The following ADAMTSL1 variants were observed in gnomAD, a reference collection of about 807,000 sequenced individuals.
ADAMTSL1 encodes ADAMTS-like protein 1.
Under a neutral mutation model 201.8 loss-of-function variants are expected in ADAMTSL1, and 126 were observed. That is an observed-to-expected ratio of 0.62 (90% CI 0.54 to 0.72). The LOEUF (loss-of-function observed/expected upper bound fraction) is 0.72. Ranked by LOEUF, ADAMTSL1 falls within the 30% of genes least tolerant of loss-of-function variation. The probability of loss-of-function intolerance (pLI) is 0.00; values close to 1 mark genes in which losing one functional copy is unlikely to be tolerated. For missense variants in ADAMTSL1, 2,679 were observed against 2,277.8 expected (o/e 1.18, Z -3.59); for synonymous variants, 1,121 against 903.4 (o/e 1.24, Z -4.32).
rs758805875 is a variant in ADAMTSL1 at position 18,777,459 on chromosome 9, G to A, written c.3230G>A (p.Arg1077His). The change falls in exon 19 of 29, where the codon CGC becomes CAC. Residue 1077 changes from arginine to histidine, a missense_variant. By Grantham distance (29) the Arg-to-His change is conservative. Transcript: ENST00000380548. ...LPFTMVTEQRRLDDILGNLSQ... is the reference protein window; with the variant it reads ...LPFTMVTEQRHLDDILGNLSQ... Reference sequence around the variant, plus strand: ...TTCACCATGGTGACCGAGCAGCGGCGCCTGGACGACATCCTGGGGAACCTC... The same window carrying A: ...TTCACCATGGTGACCGAGCAGCGGCACCTGGACGACATCCTGGGGAACCTC... The A allele has an allele frequency of 4.4e-6, 7 of 1,594,230 alleles. No homozygotes were observed. Among genetic ancestry groups the A allele is most frequent in the Middle Eastern group, 1.6e-4 (1 of 6,062 alleles).
chr9:18,398,081 C>A (rs561074123), intron 2 of ADAMTSL1, among the ~76,000 whole-genome samples: 1 of 152,234 alleles, frequency 6.6e-6, no homozygotes, highest in South Asian at 2.1e-4. Flanking sequence ...TAACAGCTGG[C>A]TTTATAGTAT....
At chr9:18,133,512 T>A (rs1190800003) in intron 1 of ADAMTSL1, among the ~76,000 whole-genome samples, 1 of 152,200 alleles carries the variant, frequency 6.6e-6, no homozygotes, top group Non-Finnish European at 1.5e-5. Context: ...CTAGTGATTT[T>A]CAGTCCTGGC....
chr9:18,030,386 G>C (rs966467303), intron 1 of ADAMTSL1, among the ~76,000 whole-genome samples: 2 of 151,936 alleles, frequency 1.3e-5, no homozygotes, highest in East Asian at 3.9e-4. Flanking sequence ...ATCACACACC[G>C]GGGACTGTTG....
chr9:18,708,034 C>A (rs934302721), intron 14 of ADAMTSL1, among the ~76,000 whole-genome samples: 1 of 152,246 alleles, frequency 6.6e-6, no homozygotes, highest in Non-Finnish European at 1.5e-5. Context: ...CTTGCCAGAT[C>A]TTTCCCTGGC....
intron 4 of ADAMTSL1, among the ~76,000 whole-genome samples, chr9:18,602,271 C>A (rs1824710958): frequency 6.6e-6 from 1 of 152,192 alleles, no homozygotes. Context: ...TGGAAAACTT[C>A]TGTCTTGGTT....
At chr9:18,407,854 G>T (rs1818270290) in intron 2 of ADAMTSL1, among the ~76,000 whole-genome samples, 1 of 152,172 alleles carries the variant, frequency 6.6e-6, no homozygotes, top group African/African-American at 2.4e-5. Context: ...ATTAGAGAAT[G>T]TTGCCTCTTA....
rs1200345039 is a variant in ADAMTSL1, at chr9:18,178,991, C to T, written c.207+15010C>T. Among the ~76,000 whole-genome samples the T allele has an allele frequency of 4.6e-5, 7 of 152,380 alleles. No individual in the cohort carries two copies. The South Asian group carries it at 1.2e-3, about 27-fold the overall frequency. On this transcript the variant is annotated intron_variant, in intron 2 of 29. Coordinates refer to the ADAMTSL1 transcript ENST00000680146. ...GCGCCTCTCCTCCTCCAAAGGAACG[C>T]AGTTCCTCACCAGCAACAGAACAAA...
chr9:18,309,170 A>G (rs747098538), intron 2 of ADAMTSL1, among the ~76,000 whole-genome samples: 3 of 152,336 alleles, frequency 2.0e-5, no homozygotes, highest in African/African-American at 4.8e-5. Context: ...TAAACTAGGT[A>G]TTAATGAAAT....
At position 18,623,741 on chromosome 9, in the gene ADAMTSL1, G is replaced by T. The variant is rs78246037; in HGVS notation, c.601+1372G>T. 6.2e-3 allele frequency among the ~76,000 whole-genome samples: 941 copies of T among 152,274 alleles called. 9 individuals are homozygous for T. The highest frequency in any genetic ancestry group is 9.7e-3 in the Non-Finnish European group (657 of 68,006). On this transcript the variant is annotated intron_variant, in intron 5 of 28. Transcript: ENST00000380548. ...CTTGTATTAAGGACATGCATTTTTA[G>T]AATTATTTTGACATTGCTTGGCATA...
chr9:18,875,823 G>C, intron 23 of ADAMTSL1, among the ~76,000 whole-genome samples: 1 of 152,108 alleles, frequency 6.6e-6, no homozygotes. Flanking sequence ...TTGATGACCT[G>C]TCTAGTGCTT....
chr9:17,942,429 A>G (rs1827275842), intron 1 of ADAMTSL1, among the ~76,000 whole-genome samples: 1 of 152,150 alleles, frequency 6.6e-6, no homozygotes, highest in Admixed American at 6.5e-5. Flanking sequence ...TCACTGTCTA[A>G]GCTCAGATGT....
chr9:18,571,451 A>G lies in ADAMTSL1; in HGVS notation c.238-2579A>G, dbSNP rs964060287. Reference sequence around the variant, plus strand: ...AAGTACTGTACCCCCAGTACAATGTACTCTACTTCTTCTGTACTTGTACTG... The same window carrying G: ...AAGTACTGTACCCCCAGTACAATGTGCTCTACTTCTTCTGTACTTGTACTG... On this transcript the variant is annotated intron_variant, in intron 3 of 28. Coordinates refer to ENST00000380548, the MANE Select transcript of ADAMTSL1 (RefSeq NM_001040272.6). Among the ~76,000 whole-genome samples the G allele has an allele frequency of 1.1e-4, 16 of 152,158 alleles. No individual in the cohort carries two copies. In the East Asian group the frequency reaches 3.1e-3, roughly 29 times the overall value.
intron 2 of ADAMTSL1, among the ~76,000 whole-genome samples, chr9:18,517,394 T>G (rs1818418823): frequency 6.6e-6 from 1 of 151,958 alleles, no homozygotes; most frequent in South Asian, 2.1e-4. Context: ...ATTTTAAACT[T>G]TTCATCTTTT....
At position 18,293,957 on chromosome 9, in the gene ADAMTSL1, A is replaced by C. The variant is rs531790025; in HGVS notation, c.207+129976A>C. Among the ~76,000 whole-genome samples the C allele has an allele frequency of 8.5e-5, 13 of 152,272 alleles. No individual in the cohort carries two copies. In the East Asian group the frequency reaches 2.1e-3, roughly 25 times the overall value. The stretch of plus-strand genomic sequence containing the variant: ...CCATATTAAACTGTACTAAACATAA[A>C]ATAACAGGGAAAATATTTCCTTGAA... On this transcript the variant is annotated intron_variant, in intron 2 of 29. Transcript: ENST00000680146.
At chr9:18,487,492 C>T (rs1822057246) in intron 1 of ADAMTSL1, among the ~76,000 whole-genome samples, 1 of 152,138 alleles carries the variant, frequency 6.6e-6, no homozygotes, top group Non-Finnish European at 1.5e-5. Context: ...TTCCTTCCTC[C>T]TTCCCTGAAA....
intron 1 of ADAMTSL1, among the ~76,000 whole-genome samples, chr9:17,935,587 AT>A (rs2131331058): frequency 6.6e-6 from 1 of 152,262 alleles, no homozygotes; most frequent in Non-Finnish European, 1.5e-5. Flanking sequence ...TCCCAAAGCC[AT>A]TGCCAATGAT....
At chr9:18,842,444 A>T (rs941377260) in intron 23 of ADAMTSL1, among the ~76,000 whole-genome samples, 5 of 151,658 alleles carry the variant, frequency 3.3e-5, no homozygotes, top group African/African-American at 1.2e-4. Flanking sequence ...TGCTGAGGAG[A>T]GCTTTACTTC....
chr9:18,324,586 G>A (rs1464141958), intron 2 of ADAMTSL1, among the ~76,000 whole-genome samples: 1 of 151,976 alleles, frequency 6.6e-6, no homozygotes, highest in Non-Finnish European at 1.5e-5. Flanking sequence ...CCAACACGGT[G>A]AAATCTCGTC....
chr9:18,172,227 G>A (rs529444197), intron 2 of ADAMTSL1, among the ~76,000 whole-genome samples: 59 of 151,604 alleles, frequency 3.9e-4, no homozygotes, highest in Non-Finnish European at 7.7e-4. Context: ...GTATACCTAG[G>A]TAACAAACCT....
Sources: allele counts gnomAD v4.1 joint callset (sites outside exome capture counted in the v4.1 genomes callset), GRCh38; gene constraint gnomAD v4.1.1; transcripts MANE v1.5; gene names NCBI Gene and HGNC (gene_info 2026-07-23, HGNC 2026-07-21).